Variants in KIAA0319 observed in about 807,000 individuals in gnomAD.
The protein encoded by KIAA0319 is KIAA0319, also known as dyslexia-associated protein KIAA0319.
In KIAA0319, 83 loss-of-function variants were observed where a neutral mutation model predicts 108.4. That is an observed-to-expected ratio of 0.77 (90% CI 0.64 to 0.92). The LOEUF (loss-of-function observed/expected upper bound fraction) is 0.92, where lower values mean the gene tolerates loss of function less well. KIAA0319 is among the 40% of genes least tolerant of loss of function. The probability of loss-of-function intolerance (pLI) is 0.00; values close to 1 mark genes in which losing one functional copy is unlikely to be tolerated. For synonymous variants in KIAA0319, 484 were observed against 510.4 expected (o/e 0.95, Z 0.70); for missense variants, 1,195 against 1,322.4 (o/e 0.90, Z 1.49).
intron 1 of KIAA0319, among the ~76,000 whole-genome samples, chr6:24,615,079 G>A (rs183799167): frequency 3.3e-4 from 50 of 152,278 alleles, no homozygotes; most frequent in Admixed American, 1.6e-3. Flanking sequence ...GTAATATACA[G>A]TATTTAGAGT....
chr6:24,549,326 CAAAAAAAAAAA>C (rs35975247), intron 20 of KIAA0319, among the ~76,000 whole-genome samples: 1 of 115,614 alleles, frequency 8.6e-6, no homozygotes, highest in South Asian at 3.1e-4. Context: ...ACTCTGTCTC[CAAAAAAAAAAA>C]AAAAAAAAGA....
At chr6:24,564,484 G>A in intron 14 of KIAA0319, 144 bp from the exon 15 acceptor site, 5 of 998,850 alleles carry the variant, frequency 5.0e-6, no homozygotes, top group Middle Eastern at 2.2e-4. Context: ...AGGCTGGCGG[G>A]ATAGCTAAAG....
chr6:24,625,954 G>A (rs1408740961), intron 1 of KIAA0319, among the ~76,000 whole-genome samples: 2 of 152,154 alleles, frequency 1.3e-5, no homozygotes, highest in Non-Finnish European at 2.9e-5. Flanking sequence ...AATGCCCATA[G>A]GCTTAAAATG....
At chr6:24,644,254 G>T (rs200859955) in intron 1 of KIAA0319, among the ~76,000 whole-genome samples, 2 of 149,380 alleles carry the variant, frequency 1.3e-5, no homozygotes, top group Non-Finnish European at 3.0e-5. Flanking sequence ...AGAGGGGGGG[G>T]TTCCCACTCT....
intron 11 of KIAA0319, among the ~76,000 whole-genome samples, chr6:24,570,519 C>T (rs1184067918): frequency 5.3e-5 from 8 of 151,128 alleles, no homozygotes; most frequent in African/African-American, 1.7e-4. Context: ...ACCCGGGAGG[C>T]GGAGCTTGCA....
At chr6:24,557,796 A>G (rs527668416) in intron 17 of KIAA0319, among the ~76,000 whole-genome samples, 89 of 133,880 alleles carry the variant, frequency 6.6e-4, no homozygotes, top group African/African-American at 2.4e-3. Flanking sequence ...TCTTGTTGCT[A>G]TGTTGCTGTG....
At chr6:24,642,218 G>GAAA (rs1777039396) in intron 1 of KIAA0319, among the ~76,000 whole-genome samples, 1 of 143,742 alleles carries the variant, frequency 7.0e-6, no homozygotes, top group Non-Finnish European at 1.5e-5. Context: ...AGGAAAGGAA[G>GAAA]GAAGGAAAGA....
chr6:24,598,073 G>A, intron 2 of KIAA0319: 1 of 399,544 alleles, frequency 2.5e-6, no homozygotes, highest in South Asian at 2.4e-5. Context: ...TGGGCCTTCA[G>A]CAGCCACTCC....
intron 3 of KIAA0319, among the ~76,000 whole-genome samples, chr6:24,591,432 A>C (rs1305303399): frequency 6.6e-6 from 1 of 151,954 alleles, no homozygotes; most frequent in Non-Finnish European, 1.5e-5. Context: ...ACAGAGTGAG[A>C]CTCTATCTCT....
At chr6:24,615,744 A>T (rs908909243) in intron 1 of KIAA0319, among the ~76,000 whole-genome samples, 1 of 152,212 alleles carries the variant, frequency 6.6e-6, no homozygotes, top group African/African-American at 2.4e-5. Flanking sequence ...CCTTTTAAAA[A>T]ATAATTTATA....
At chr6:24,549,379 TGTGAGGATGCA>T (rs1262955277) in intron 20 of KIAA0319, among the ~76,000 whole-genome samples, 3 of 149,186 alleles carry the variant, frequency 2.0e-5, no homozygotes, top group Non-Finnish European at 3.0e-5. Flanking sequence ...CTTTGCACCA[TGTGAGGATGCA>T]GTGAGGAGGC....
chr6:24,584,224 T>G (rs916810788), intron 4 of KIAA0319, among the ~76,000 whole-genome samples: 4 of 152,068 alleles, frequency 2.6e-5, no homozygotes, highest in Admixed American at 6.6e-5. Context: ...AAAAACCTAT[T>G]TTAACTTAAG....
At chr6:24,600,683 G>C in intron 2 of KIAA0319, 1 of 1,532,680 alleles carries the variant, frequency 6.5e-7, no homozygotes, top group Non-Finnish European at 8.7e-7. Flanking sequence ...TGATTTTTTT[G>C]CCATGAGTGC....
rs187810798 is a variant in KIAA0319 at position 24,630,482 on chromosome 6, C to A, written c.-106+15254G>T. Among the ~76,000 whole-genome samples, 411 of 133,618 alleles carry A rather than the reference C, an allele frequency of 3.1e-3. 2 individuals are homozygous for A. Among genetic ancestry groups the A allele is most frequent in the African/African-American group, 0.011 (388 of 35,634 alleles). 87.7% of individuals were successfully genotyped at this position (133,618 alleles called of 152,430 possible). On this transcript the variant is annotated intron_variant, in intron 1 of 20. Coordinates refer to ENST00000378214, the MANE Select transcript of KIAA0319 (RefSeq NM_014809.4). ...TGAGATTGCACCACTGTACTCCAGT[C>A]TGGGTGACAGAGCAAGATTCTGTCT...
chr6:24,638,207 A>G (rs1336145789), intron 1 of KIAA0319, among the ~76,000 whole-genome samples: 1 of 152,228 alleles, frequency 6.6e-6, no homozygotes, highest in African/African-American at 2.4e-5. Context: ...AGGAGACAAA[A>G]ATCATAATAA....
Position 24,597,972 on chromosome 6 carries a change from G to A in KIAA0319, c.56-1354C>T, listed in dbSNP as rs536148696. ...AAAACCACCTAGAAGCATCTGCACC[G>A]TCTTGAATCTCCACCTGGTTCAGCC... On this transcript the variant is annotated intron_variant, in intron 2 of 20. Coordinates refer to ENST00000378214, the MANE Select transcript of KIAA0319 (RefSeq NM_014809.4). 2.6e-4 allele frequency: 36 copies of A among 139,434 alleles called. No individual in the cohort carries two copies. The South Asian group carries it at 4.6e-3, about 18-fold the overall frequency. The allele number at this position is 139,434 out of a possible 1,614,324, so 8.6% of individuals were successfully genotyped here.
chr6:24,542,823 C>T (rs1292698881), downstream of KIAA0319, among the ~76,000 whole-genome samples: 1 of 151,962 alleles, frequency 6.6e-6, no homozygotes, highest in Non-Finnish European at 1.5e-5. Flanking sequence ...CTCCAGAGTT[C>T]ACCTGAACCA....
intron 1 of KIAA0319, among the ~76,000 whole-genome samples, chr6:24,615,192 T>A (rs1772981453): frequency 6.6e-6 from 1 of 152,194 alleles, no homozygotes; most frequent in African/African-American, 2.4e-5. Flanking sequence ...AAATGTACAT[T>A]ATAGCATTAT....
At chr6:24,578,033 G>A (rs2127475772) in intron 9 of KIAA0319, 77 bp downstream of exon 9, 1 of 1,447,648 alleles carries the variant, frequency 6.9e-7, no homozygotes, top group East Asian at 2.3e-5. Context: ...GAAGTGCAGT[G>A]TTTTATGTGC....
Sources: allele counts gnomAD v4.1 joint callset (sites outside exome capture counted in the v4.1 genomes callset), GRCh38; gene constraint gnomAD v4.1.1; transcripts MANE v1.5; gene names NCBI Gene and HGNC (gene_info 2026-07-23, HGNC 2026-07-21).